Variants in CNTNAP2 observed in about 807,000 individuals in gnomAD.
CNTNAP2 encodes the protein contactin associated protein 2, also known as contactin-associated protein-like 2.
CNTNAP2 carries 98 observed loss-of-function variants against 155.2 expected under a neutral mutation model. The observed-to-expected ratio is 0.63, with a 90% CI of 0.54 to 0.75. The LOEUF is 0.75. CNTNAP2 is among the 30% of genes least tolerant of loss of function. CNTNAP2 has a pLI of 0.00. For missense variants in CNTNAP2, 1,727 were observed against 1,688.1 expected (o/e 1.02, Z -0.40); for synonymous variants, 651 against 631.2 (o/e 1.03, Z -0.47).
At chr7:146,711,347 T>C (rs1399749453) in intron 1 of CNTNAP2, among the ~76,000 whole-genome samples, 1 of 147,150 alleles carries the variant, frequency 6.8e-6, no homozygotes, top group East Asian at 2.0e-4. Context: ...ATGTAAAATA[T>C]ATATGTATAA....
At chr7:147,319,500 C>A (rs761031642) in intron 9 of CNTNAP2, among the ~76,000 whole-genome samples, 23 of 152,132 alleles carry the variant, frequency 1.5e-4, no homozygotes, top group Non-Finnish European at 2.2e-4. Context: ...ACCTCAGCCT[C>A]CCTAGTAGCT....
At chr7:148,287,592 C>A (rs745667825) in intron 21 of CNTNAP2, among the ~76,000 whole-genome samples, 7 of 152,052 alleles carry the variant, frequency 4.6e-5, no homozygotes, top group Non-Finnish European at 1.0e-4. Context: ...GTTGCTATAA[C>A]AGAATACCCA....
chr7:147,196,652 T>G (rs1361473709), intron 8 of CNTNAP2, among the ~76,000 whole-genome samples: 1 of 152,180 alleles, frequency 6.6e-6, no homozygotes. Flanking sequence ...CTGACAGTCT[T>G]TCATGCCCAC....
At chr7:148,178,702 A>C (rs2116699698) in intron 18 of CNTNAP2, among the ~76,000 whole-genome samples, 1 of 152,356 alleles carries the variant, frequency 6.6e-6, no homozygotes, top group East Asian at 1.9e-4. Context: ...TCAGGAATAC[A>C]TAGTAACTAC....
At chr7:147,285,273 CT>C (rs1489977328) in intron 8 of CNTNAP2, among the ~76,000 whole-genome samples, 1 of 151,826 alleles carries the variant, frequency 6.6e-6, no homozygotes, top group Non-Finnish European at 1.5e-5. Flanking sequence ...CCCTGAGTGA[CT>C]GGATAACCTC....
rs10562874 is a variant in CNTNAP2, at chr7:147,494,468, CAA to C, written c.1777+8444_1777+8445del. On this transcript the variant is annotated intron_variant, in intron 11 of 23. Transcript: ENST00000361727. ...ATATGTCTTTCTCTTTGAGTCTTGG[CAA>C]AAAAAAAAAAAAAAAAGTTGATCTG... Among the ~76,000 whole-genome samples, 897 of 116,368 alleles carry C rather than the reference CAA, an allele frequency of 7.7e-3. 8 individuals carry two copies. Among genetic ancestry groups the C allele is most frequent in the African/African-American group, 0.027 (814 of 29,604 alleles). The allele number at this position is 116,368 out of a possible 152,430, so 76.3% of individuals were successfully genotyped here.
intron 1 of CNTNAP2, among the ~76,000 whole-genome samples, chr7:146,186,826 G>A (rs1031094654): frequency 1.3e-5 from 2 of 152,078 alleles, no homozygotes; most frequent in Non-Finnish European, 2.9e-5. Context: ...TCCTTTCACA[G>A]AATGTTTTCA....
intron 3 of CNTNAP2, among the ~76,000 whole-genome samples, chr7:147,012,782 T>C (rs1798651724): frequency 6.6e-6 from 1 of 152,116 alleles, no homozygotes. Context: ...GATATAAAAC[T>C]GACTTAGAAA....
rs2129279561 is a variant in CNTNAP2, at chr7:147,108,279, GAGA to G, written c.686_688del (p.Glu229del). ...GAAAGTGAAGGAGTAATCCTGCACGGAGAAGGACAGCAAGGAGATTACATTACC... is the reference window on the plus strand; with the variant it reads ...GAAAGTGAAGGAGTAATCCTGCACGGAGGACAGCAAGGAGATTACATTACC... On this transcript the variant is annotated inframe_deletion, in exon 5 of 24. Transcript: ENST00000361727. The G allele has an allele frequency of 6.2e-7, 1 of 1,613,780 alleles. No individual in the cohort carries two copies. Among genetic ancestry groups the G allele is most frequent in the Non-Finnish European group, 8.5e-7 (1 of 1,179,826 alleles).
chr7:147,042,612 A>G (rs1799281224), intron 3 of CNTNAP2, among the ~76,000 whole-genome samples: 2 of 152,134 alleles, frequency 1.3e-5, no homozygotes, highest in Admixed American at 1.3e-4. Context: ...AAACATCATT[A>G]TTAAAGATAA....
chr7:146,118,159 T>C (rs926386400), intron 1 of CNTNAP2, among the ~76,000 whole-genome samples: 1 of 152,164 alleles, frequency 6.6e-6, no homozygotes, highest in Non-Finnish European at 1.5e-5. Context: ...TAATAAGGAA[T>C]CTACTATATA....
At chr7:147,299,456 A>G (rs1794901255) in intron 8 of CNTNAP2, among the ~76,000 whole-genome samples, 1 of 150,582 alleles carries the variant, frequency 6.6e-6, no homozygotes, top group Non-Finnish European at 1.5e-5. Flanking sequence ...AATACCATGT[A>G]CTCCATTATA....
At chr7:146,676,106 G>T (rs1353236) in intron 1 of CNTNAP2, among the ~76,000 whole-genome samples, 1 of 151,848 alleles carries the variant, frequency 6.6e-6, no homozygotes, top group Non-Finnish European at 1.5e-5. Context: ...CTAAAATATC[G>T]TTCTGTAATT....
intron 15 of CNTNAP2, among the ~76,000 whole-genome samples, chr7:148,092,817 T>C (rs573381947): frequency 5.4e-5 from 8 of 146,916 alleles, no homozygotes; most frequent in Admixed American, 2.8e-4. Context: ...GTTTAAAGTA[T>C]GAAAATGATT....
At chr7:146,277,233 T>G (rs981972338) in intron 1 of CNTNAP2, among the ~76,000 whole-genome samples, 3 of 152,170 alleles carry the variant, frequency 2.0e-5, no homozygotes, top group Non-Finnish European at 2.9e-5. Context: ...GCCGACACCT[T>G]GATTTTTGAA....
intron 13 of CNTNAP2, among the ~76,000 whole-genome samples, chr7:147,697,624 T>G (rs2117000059): frequency 6.6e-6 from 1 of 152,282 alleles, no homozygotes; most frequent in East Asian, 1.9e-4. Context: ...GGTGAGCTTG[T>G]GCCTCTGGGC....
intron 1 of CNTNAP2, among the ~76,000 whole-genome samples, chr7:146,444,101 C>T (rs1310343750): frequency 3.3e-5 from 5 of 152,132 alleles, no homozygotes; most frequent in African/African-American, 9.7e-5. Flanking sequence ...GGCACAACCT[C>T]GGCTCCCTGC....
chr7:146,877,623 GTATGTATGTATGTGTGTA>G (rs1056547385), intron 3 of CNTNAP2, among the ~76,000 whole-genome samples: 9 of 84,674 alleles, frequency 1.1e-4, no homozygotes, highest in African/African-American at 2.6e-4. Flanking sequence ...ATATGTGTGT[GTATGTATGTATGTGTGTA>G]TATATGTGTA....
intron 1 of CNTNAP2, among the ~76,000 whole-genome samples, chr7:146,404,141 A>AAAAAAAAAAAAAC (rs1367526173): frequency 4.9e-4 from 73 of 147,480 alleles, no homozygotes; most frequent in African/African-American, 1.9e-3. Flanking sequence ...AAAAAAAAAA[A>AAAAAAAAAAAAAC]ACAAAGAACT....
Sources: allele counts gnomAD v4.1 joint callset (sites outside exome capture counted in the v4.1 genomes callset), GRCh38; gene constraint gnomAD v4.1.1; transcripts MANE v1.5; gene names NCBI Gene and HGNC (gene_info 2026-07-23, HGNC 2026-07-21).